NKAIN2: variants seen among roughly 807,000 people sequenced by gnomAD.
The protein encoded by NKAIN2 is sodium/potassium transporting ATPase interacting 2.
A neutral mutation model predicts 32.6 loss-of-function variants in NKAIN2; 14 were observed. That is an observed-to-expected ratio of 0.43 (90% CI 0.28 to 0.67). The LOEUF is 0.67. Among genes scored for constraint, NKAIN2 ranks in the 30% least tolerant of loss-of-function variants. The pLI, the probability that NKAIN2 is intolerant of heterozygous loss-of-function variation, is 0.17. For missense variants in NKAIN2, 198 were observed against 258.3 expected, an observed-to-expected ratio of 0.77 and a Z score of 1.60; for synonymous variants, 80 against 87.2, an observed-to-expected ratio of 0.92 and a Z score of 0.46.
intron 4 of NKAIN2, among the ~76,000 whole-genome samples, chr6:124,721,581 A>G (rs1329254407): frequency 6.6e-6 from 1 of 152,186 alleles, no homozygotes; most frequent in Non-Finnish European, 1.5e-5. Flanking sequence ...TAATATTTAA[A>G]TGGCTTGCAT....
intron 1 of NKAIN2, among the ~76,000 whole-genome samples, chr6:123,911,848 CACACACACACAT>C (rs1473762503): frequency 1.9e-5 from 2 of 104,320 alleles, no homozygotes; most frequent in South Asian, 3.5e-4. Context: ...CACACACACA[CACACACACACAT>C]ATCAATTCCC....
chr6:124,488,641 A>G (rs929987522), intron 3 of NKAIN2, among the ~76,000 whole-genome samples: 4 of 152,030 alleles, frequency 2.6e-5, no homozygotes, highest in African/African-American at 4.8e-5. Context: ...TCTATATGCC[A>G]TTTGATTTGC....
intron 1 of NKAIN2, among the ~76,000 whole-genome samples, chr6:123,899,419 T>C (rs1322502824): frequency 1.3e-5 from 2 of 152,154 alleles, no homozygotes; most frequent in Admixed American, 6.5e-5. Flanking sequence ...CCTCCCTCTA[T>C]TTTTTTCTTT....
chr6:124,175,791 G>A (rs780654347), intron 1 of NKAIN2, among the ~76,000 whole-genome samples: 4 of 151,776 alleles, frequency 2.6e-5, no homozygotes, highest in Non-Finnish European at 5.9e-5. Context: ...TCCAATCTAC[G>A]ATTTGCTAAA....
At chr6:123,893,052 C>A (rs1774096877) in intron 1 of NKAIN2, among the ~76,000 whole-genome samples, 1 of 151,908 alleles carries the variant, frequency 6.6e-6, no homozygotes. Context: ...CGTCTGTTTT[C>A]AAATAATTGT....
chr6:124,428,789 C>T (rs1225680046), intron 3 of NKAIN2, among the ~76,000 whole-genome samples: 3 of 152,018 alleles, frequency 2.0e-5, no homozygotes, highest in African/African-American at 7.3e-5. Context: ...TTAATTTGAA[C>T]ACTGACACTT....
At chr6:124,416,553 T>C (rs1698721872) in intron 3 of NKAIN2, among the ~76,000 whole-genome samples, 1 of 152,152 alleles carries the variant, frequency 6.6e-6, no homozygotes, top group Non-Finnish European at 1.5e-5. Flanking sequence ...GCCAGAGGAC[T>C]GCTTGAGCCC....
chr6:124,620,950 G>T (rs1386918211), intron 3 of NKAIN2, among the ~76,000 whole-genome samples: 1 of 152,116 alleles, frequency 6.6e-6, no homozygotes, highest in Non-Finnish European at 1.5e-5. Context: ...CAATACTTAG[G>T]GTTGCTATTT....
chr6:124,539,021 C>T (rs1456895055), intron 3 of NKAIN2, among the ~76,000 whole-genome samples: 1 of 152,104 alleles, frequency 6.6e-6, no homozygotes. Flanking sequence ...CTTTGTCAGA[C>T]TCATCCATGG....
At chr6:123,867,254 C>T (rs142028149) in intron 1 of NKAIN2, among the ~76,000 whole-genome samples, 222 of 152,256 alleles carry the variant, frequency 1.5e-3, no homozygotes, top group Non-Finnish European at 2.6e-3. Flanking sequence ...TATGTAATGC[C>T]CTGTCTTAAA....
At chr6:124,508,225 C>G (rs866367082) in intron 3 of NKAIN2, among the ~76,000 whole-genome samples, 54 of 152,070 alleles carry the variant, frequency 3.6e-4, no homozygotes, top group African/African-American at 1.1e-3. Context: ...CCACTGCACT[C>G]TAGCCTGAGT....
intron 1 of NKAIN2, among the ~76,000 whole-genome samples, chr6:123,946,773 G>A (rs1341176903): frequency 6.6e-6 from 1 of 152,074 alleles, no homozygotes; most frequent in Non-Finnish European, 1.5e-5. Flanking sequence ...TTTGGAAATT[G>A]TAAAAGTTTA....
At chr6:124,297,400 A>C (rs1796100019) in intron 2 of NKAIN2, among the ~76,000 whole-genome samples, 1 of 152,214 alleles carries the variant, frequency 6.6e-6, no homozygotes, top group Non-Finnish European at 1.5e-5. Context: ...ATTATGTAAA[A>C]GTGGATCATT....
intron 1 of NKAIN2, among the ~76,000 whole-genome samples, chr6:124,036,562 C>A (rs1781612336): frequency 6.6e-6 from 1 of 152,060 alleles, no homozygotes; most frequent in Non-Finnish European, 1.5e-5. Flanking sequence ...ATAACGGATA[C>A]TTATCTTTTA....
rs966300427 is a variant in NKAIN2, at chr6:124,824,364, G to A, written c.*1135G>A. On this transcript the variant is annotated 3_prime_UTR_variant, in exon 7 of 7. Transcript: ENST00000368417. The stretch of plus-strand genomic sequence containing the variant: ...TGTACAAGATTATTTTTGGGTGGGT[G>A]GGGGGAGCAATAGTTACCTTGGTGA... 6.6e-6 allele frequency: 1 copy of A among 152,380 alleles called. No homozygotes were observed. Among genetic ancestry groups the A allele is most frequent in the African/African-American group, 2.4e-5 (1 of 41,406 alleles). 9.4% of individuals were successfully genotyped at this position (152,380 alleles called of 1,614,324 possible).
At chr6:124,577,083 G>A (rs1182383194) in intron 3 of NKAIN2, among the ~76,000 whole-genome samples, 1 of 152,088 alleles carries the variant, frequency 6.6e-6, no homozygotes, top group African/African-American at 2.4e-5. Context: ...ACTATATCAA[G>A]TATTTTCAAA....
At chr6:124,465,874 G>A (rs1271523687) in intron 3 of NKAIN2, among the ~76,000 whole-genome samples, 1 of 151,996 alleles carries the variant, frequency 6.6e-6, no homozygotes, top group Non-Finnish European at 1.5e-5. Flanking sequence ...TATGAAATTA[G>A]CCTGTGTAAC....
chr6:123,974,181 A>C (rs778280970), intron 1 of NKAIN2, among the ~76,000 whole-genome samples: 1 of 152,190 alleles, frequency 6.6e-6, no homozygotes, highest in East Asian at 1.9e-4. Flanking sequence ...CAGGATGCAC[A>C]AGAAACAGTT....
intron 1 of NKAIN2, among the ~76,000 whole-genome samples, chr6:124,018,376 C>T (rs1013301107): frequency 2.6e-5 from 4 of 152,188 alleles, no homozygotes; most frequent in African/African-American, 9.7e-5. Flanking sequence ...TGGTGATTAA[C>T]ATTTGACTTC....
Sources: gnomAD v4.1 joint callset for allele counts (sites outside exome capture counted in the v4.1 genomes callset) on GRCh38, gnomAD v4.1.1 for gene constraint, MANE v1.5 for transcripts, NCBI Gene and HGNC (gene_info 2026-07-23, HGNC 2026-07-21) for gene names.